Variants in PRPF18 observed in about 807,000 individuals in gnomAD.
PRPF18 encodes the protein pre-mRNA processing factor 18, also known as pre-mRNA-splicing factor 18.
PRPF18 carries 38 observed loss-of-function variants against 46.5 expected under a neutral mutation model. The ratio of observed to expected loss-of-function variants is 0.82; its 90% CI spans 0.63 to 1.07. PRPF18 has a LOEUF of 1.07. PRPF18 is among the 50% of genes least tolerant of loss of function. The pLI is 0.00. For missense variants in PRPF18, 263 were observed against 410.0 expected (o/e 0.64, Z 3.10); for synonymous variants, 152 against 146.7 (o/e 1.04, Z -0.26).
At chr10:13,635,291 A>G (rs2080627241), downstream of PRPF18, among the ~76,000 whole-genome samples, 2 of 152,184 alleles carry the variant, frequency 1.3e-5, no homozygotes, top group Admixed American at 1.3e-4. Context: ...TATCCAGGCT[A>G]TCATTGGTGG....
the PRPF18 span, among the ~76,000 whole-genome samples, chr10:13,649,977 C>T: frequency 6.6e-6 from 1 of 152,202 alleles, no homozygotes; most frequent in Non-Finnish European, 1.5e-5. Context: ...TAGCCCTGGG[C>T]AGTCTGGGTC....
chr10:13,642,779 G>C, the PRPF18 span: 5 of 152,318 alleles, frequency 3.3e-5, no homozygotes, highest in East Asian at 9.7e-4. Flanking sequence ...CTTCCCCAAG[G>C]AGAGGAGGCT....
chr10:13,616,902 G>T (rs532854082), intron 9 of PRPF18, among the ~76,000 whole-genome samples: 2 of 152,180 alleles, frequency 1.3e-5, no homozygotes, highest in South Asian at 4.1e-4. Flanking sequence ...AACAAACTTA[G>T]AGTATTTTAC....
At chr10:13,632,347 C>G (rs187137093), downstream of PRPF18, among the ~76,000 whole-genome samples, 4 of 151,756 alleles carry the variant, frequency 2.6e-5, no homozygotes, top group Admixed American at 6.6e-5. Flanking sequence ...TCCCCTCCCC[C>G]CCGCAAAAAA....
At chr10:13,634,138 A>C (rs1349332521), downstream of PRPF18, among the ~76,000 whole-genome samples, 3 of 152,268 alleles carry the variant, frequency 2.0e-5, no homozygotes, top group African/African-American at 7.2e-5. Context: ...CATTTAAAAA[A>C]AGAATGTATT....
Position 13,625,479 on chromosome 10 carries a change from T to C in PRPF18, c.949-4781T>C, listed in dbSNP as rs557598405. ...TGGGTTAGAAGATAAAGTTGAAATA[T>C]GAAAAGCAGGAAAGGTAAGAAAATA... On this transcript the variant is annotated intron_variant, in intron 9 of 9. Coordinates refer to ENST00000378572, the MANE Select transcript of PRPF18 (RefSeq NM_003675.4). 5.3e-5 allele frequency among the ~76,000 whole-genome samples: 8 copies of C among 152,216 alleles called. 1 individual carries two copies. Among genetic ancestry groups the C allele is most frequent in the African/African-American group, 1.9e-4 (8 of 41,502 alleles).
rs140105582 is a variant in PRPF18 at position 13,629,727 on chromosome 10, A to G, written c.949-533A>G. On this transcript the variant is annotated intron_variant, in intron 9 of 9. Transcript: ENST00000378572. ...GATTCATATACATCGGCCTTTCCCA[A>G]CCAGAGCCCCTCATCTTGACCACAG... Among the ~76,000 whole-genome samples the G allele has an allele frequency of 9.7e-3, 1,480 of 152,338 alleles. 19 individuals carry two copies. Among genetic ancestry groups the G allele is most frequent in the African/African-American group, 0.032 (1,320 of 41,574 alleles).
At chr10:13,633,117 A>T (rs2080604870), downstream of PRPF18, among the ~76,000 whole-genome samples, 1 of 152,214 alleles carries the variant, frequency 6.6e-6, no homozygotes, top group South Asian at 2.1e-4. Context: ...TTTGGGGGAC[A>T]ATTAGGAAAG....
chr10:13,617,265 C>T lies in PRPF18; in HGVS notation c.948+712C>T, dbSNP rs1294455370. On this transcript the variant is annotated intron_variant, in intron 9 of 9. Coordinates refer to ENST00000378572, the MANE Select transcript of PRPF18 (RefSeq NM_003675.4). ...GGAAGTTTACTTAAAATTTGAAGTT[C>T]ACTTAAAATGCATAAAGTGCTTTCA... Among the ~76,000 whole-genome samples the T allele has an allele frequency of 2.6e-5, 4 of 152,202 alleles. No homozygotes were observed. The East Asian group carries it at 7.7e-4, about 29-fold the overall frequency.
At chr10:13,617,271 A>C (rs1219396885) in intron 9 of PRPF18, among the ~76,000 whole-genome samples, 1 of 152,264 alleles carries the variant, frequency 6.6e-6, no homozygotes, top group East Asian at 1.9e-4. Flanking sequence ...AGTTCACTTA[A>C]AATGCATAAA....
chr10:13,597,418 T>A (rs759947146), intron 1 of PRPF18, 40 bp from the exon 2 acceptor site: 1 of 1,427,538 alleles, frequency 7.0e-7, no homozygotes, highest in African/African-American at 1.5e-5. Flanking sequence ...GAAATTTTGC[T>A]CAAGGATATA....
chr10:13,651,371 G>A, the PRPF18 span: 2 of 153,146 alleles, frequency 1.3e-5, no homozygotes, highest in Admixed American at 1.3e-4. Context: ...TCTTTTCAGG[G>A]ACACTGATTA....
chr10:13,607,384 A>G (rs539948402), intron 4 of PRPF18, among the ~76,000 whole-genome samples: 1 of 152,236 alleles, frequency 6.6e-6, no homozygotes, highest in South Asian at 2.1e-4. Flanking sequence ...TGTTCTCTTA[A>G]TTGAATCTTT....
intron 8 of PRPF18, among the ~76,000 whole-genome samples, chr10:13,614,930 G>C (rs1485313619): frequency 1.3e-5 from 2 of 152,204 alleles, no homozygotes; most frequent in Admixed American, 1.3e-4. Context: ...AACTCGGAAT[G>C]ACATTGCTTA....
chr10:13,606,691 T>G (rs1389640623), intron 4 of PRPF18, among the ~76,000 whole-genome samples: 1 of 136,878 alleles, frequency 7.3e-6, no homozygotes, highest in African/African-American at 2.7e-5. Flanking sequence ...GCTGAGATTG[T>G]GCCACTGCAC....
At chr10:13,591,641 T>C in intron 1 of PRPF18, 1 of 620,810 alleles carries the variant, frequency 1.6e-6, no homozygotes, top group Non-Finnish European at 3.0e-6. Flanking sequence ...CTCAGCTTCC[T>C]GGTGTCTGGG....
At chr10:13,641,223 G>A in the PRPF18 span, 3 of 152,376 alleles carry the variant, frequency 2.0e-5, no homozygotes, top group South Asian at 2.1e-4. Context: ...GAGGTGTGAG[G>A]AAAGGAAAGC....
chr10:13,628,971 A>T (rs7088503), intron 9 of PRPF18, among the ~76,000 whole-genome samples: 2 of 151,898 alleles, frequency 1.3e-5, no homozygotes, highest in African/African-American at 4.8e-5. Flanking sequence ...GGACATGTTT[A>T]CCGAGTGGTG....
rs1418354293 is a variant in PRPF18, at chr10:13,600,659, A to G, written c.249+311A>G. Among the ~76,000 whole-genome samples, 4 of 152,330 alleles carry G rather than the reference A, an allele frequency of 2.6e-5. No homozygotes were observed. In the South Asian group the frequency reaches 8.3e-4, roughly 32 times the overall value. On this transcript the variant is annotated intron_variant, in intron 3 of 9. Coordinates refer to ENST00000378572, the MANE Select transcript of PRPF18 (RefSeq NM_003675.4). ...TAAATTATTTTAATTATTATTTTGTAACATACTTCCCTTTCCCTTATTTAA... is the reference window on the plus strand; with the variant it reads ...TAAATTATTTTAATTATTATTTTGTGACATACTTCCCTTTCCCTTATTTAA...
Sources: allele counts gnomAD v4.1 joint callset (sites outside exome capture counted in the v4.1 genomes callset), GRCh38; gene constraint gnomAD v4.1.1; transcripts MANE v1.5; gene names NCBI Gene and HGNC (gene_info 2026-07-23, HGNC 2026-07-21).